Variants in LMBR1L observed in about 807,000 individuals in gnomAD.
LMBR1L encodes protein LMBR1L.
Under a neutral mutation model 67.3 loss-of-function variants are expected in LMBR1L, and 47 were observed. The observed-to-expected ratio is 0.70, with a 90% CI of 0.55 to 0.89. The LOEUF is 0.89. LMBR1L is among the 40% of genes least tolerant of loss of function. LMBR1L has a pLI of 0.00. For synonymous variants in LMBR1L, 247 were observed against 250.3 expected (o/e 0.99, Z 0.13); for missense variants, 533 against 599.2 (o/e 0.89, Z 1.15).
chr12:49,103,883 A>G, intron 5 of LMBR1L, 70 bp from the exon 6 acceptor site: 1 of 1,495,188 alleles, frequency 6.7e-7, no homozygotes, highest in Non-Finnish European at 9.0e-7. Flanking sequence ...GATGGCAGGC[A>G]GCCTGCAGGA....
Position 49,097,586 on chromosome 12 carries a change from G to A in LMBR1L, c.*86C>T, listed in dbSNP as rs1939543574. 4.4e-6 allele frequency: 6 copies of A among 1,353,574 alleles called. No individual in the cohort carries two copies. 83.8% of individuals were successfully genotyped at this position (1,353,574 alleles called of 1,614,324 possible). On this transcript the variant is annotated 3_prime_UTR_variant, in exon 17 of 17. Transcript: ENST00000267102. ...CCCACCCTCTCAGATTCCAGGTCCT[G>A]AGGTCCAAGTAGCCTTGGGCTTCCC...
chr12:49,097,282 G>C lies in LMBR1L; in HGVS notation c.*390C>G, dbSNP rs1939512509. 1 of 214,226 alleles carries C rather than the reference G, an allele frequency of 4.7e-6. No homozygotes were observed. The highest frequency in any genetic ancestry group is 9.8e-6 in the Non-Finnish European group (1 of 102,564). 13.3% of individuals were successfully genotyped at this position (214,226 alleles called of 1,614,324 possible). A position where few individuals can be genotyped will look rare whatever the true frequency, so the allele number is the denominator to read the frequency against. On this transcript the variant is annotated 3_prime_UTR_variant, in exon 17 of 17. Coordinates refer to ENST00000267102, the MANE Select transcript of LMBR1L (RefSeq NM_018113.4). ...AGGCTCTGCTGGGCCAGAGGCAAGG[G>C]AGACAATCTATCTCCCGAGCCTGCC...
intron 8 of LMBR1L, 74 bp downstream of exon 8, chr12:49,102,813 G>C: frequency 7.2e-7 from 1 of 1,380,496 alleles, no homozygotes; most frequent in Non-Finnish European, 1.0e-6. Context: ...CAACCATAGG[G>C]TTGTTTCATT....
At position 49,097,696 on chromosome 12, in the gene LMBR1L, T is replaced by C. The variant is rs762199890; in HGVS notation, c.1446A>G (p.Ala482=). 1 of 1,613,852 alleles carries C rather than the reference T, an allele frequency of 6.2e-7. No individual in the cohort carries two copies. The highest frequency in any genetic ancestry group is 8.5e-7 in the Non-Finnish European group (1 of 1,180,002). Reference sequence around the variant, plus strand: ...GTCACTGGTGCTGGGTCTTCCTAGATGCCTGGGGGAAACCGGAGACGGGCA... The same window carrying C: ...GTCACTGGTGCTGGGTCTTCCTAGACGCCTGGGGGAAACCGGAGACGGGCA... ...LPLPVSGFPQ[A]SRKTQHQ Residue 482 remains alanine, a synonymous_variant, in exon 17 of 17, where the codon GCA becomes GCG. Coordinates refer to ENST00000267102, the MANE Select transcript of LMBR1L (RefSeq NM_018113.4).
intron 1 of LMBR1L, among the ~76,000 whole-genome samples, chr12:49,109,373 C>T (rs960860481): frequency 2.6e-5 from 4 of 152,038 alleles, no homozygotes; most frequent in Non-Finnish European, 5.9e-5. Context: ...GAAGGCTTGC[C>T]GAAAGCACAC....
chr12:49,102,095 T>G, intron 11 of LMBR1L, 25 bp downstream of exon 11: 2 of 1,609,840 alleles, frequency 1.2e-6, no homozygotes, highest in Non-Finnish European at 1.7e-6. Flanking sequence ...GGTCCACTCC[T>G]CACCTCTAGG....
intron 11 of LMBR1L, 130 bp downstream of exon 11, chr12:49,101,990 A>G: frequency 2.7e-6 from 2 of 746,218 alleles, no homozygotes; most frequent in Non-Finnish European, 4.5e-6. Flanking sequence ...GCAGGACATA[A>G]AAGTAGGCAC....
chr12:49,105,834 G>A, intron 3 of LMBR1L, 90 bp downstream of exon 3: 1 of 1,076,668 alleles, frequency 9.3e-7, no homozygotes, highest in Non-Finnish European at 1.4e-6. Flanking sequence ...CACTGTGTGA[G>A]ACTTCCCCCT....
intron 4 of LMBR1L, 38 bp from the exon 5 acceptor site, chr12:49,104,589 G>A: frequency 6.3e-7 from 1 of 1,580,566 alleles, no homozygotes. Context: ...GGTCAGTAAG[G>A]GGAGGGGCAA....
intron 1 of LMBR1L, 31 bp from the exon 2 acceptor site, chr12:49,107,076 C>T (rs900598663): frequency 6.7e-6 from 10 of 1,489,778 alleles, no homozygotes; most frequent in Non-Finnish European, 9.4e-6. Context: ...GGATGAGAAG[C>T]TCTAACCTTC....
At chr12:49,104,582 C>T in intron 4 of LMBR1L, 31 bp from the exon 5 acceptor site, 2 of 1,592,560 alleles carry the variant, frequency 1.3e-6, no homozygotes, top group Non-Finnish European at 1.7e-6. Flanking sequence ...CAGAAGTGGT[C>T]AGTAAGGGGA....
At chr12:49,102,051 CT>C in intron 11 of LMBR1L, 68 bp downstream of exon 11, 2 of 1,375,478 alleles carry the variant, frequency 1.5e-6, no homozygotes, top group East Asian at 4.6e-5. Context: ...CCTGCATTGC[CT>C]CCCCTCTCCC....
At chr12:49,110,008 C>CAAGT (rs2121096066) in intron 1 of LMBR1L, 1 of 458,376 alleles carries the variant, frequency 2.2e-6, no homozygotes, top group African/African-American at 2.0e-5. Context: ...GATGACCCAC[C>CAAGT]AAGTCCCCAG....
Position 49,100,463 on chromosome 12 carries a change from A to T in LMBR1L, c.1174-9T>A. The T allele has an allele frequency of 6.2e-7, 1 of 1,613,492 alleles. No homozygotes were observed. The highest frequency in any genetic ancestry group is 8.5e-7 in the Non-Finnish European group (1 of 1,179,376). On this transcript the variant is annotated splice_polypyrimidine_tract_variant and intron_variant, in intron 14 of 16. Coordinates refer to ENST00000267102, the MANE Select transcript of LMBR1L (RefSeq NM_018113.4). The stretch of plus-strand genomic sequence containing the variant: ...ACACAGTTCCCAATTATCTGGGTGG[A>T]AGCAGGGAAAGGAGAGGTGAGGGTG...
At chr12:49,103,507 G>C (rs575642415) in intron 6 of LMBR1L, among the ~76,000 whole-genome samples, 180 bp downstream of exon 6, 2 of 152,298 alleles carry the variant, frequency 1.3e-5, no homozygotes, top group East Asian at 3.9e-4. Context: ...TAAAACCATT[G>C]CATGGGCCCA....
intron 3 of LMBR1L, among the ~76,000 whole-genome samples, chr12:49,105,512 G>A (rs2121017020): frequency 6.6e-6 from 1 of 152,248 alleles, no homozygotes; most frequent in East Asian, 1.9e-4. Context: ...AGTGAACACT[G>A]GCAGCCTGGA....
intron 9 of LMBR1L, 28 bp downstream of exon 9, chr12:49,102,440 A>AC: frequency 6.2e-7 from 1 of 1,613,832 alleles, no homozygotes; most frequent in Non-Finnish European, 8.5e-7. Context: ...CAAGCCTACC[A>AC]CCCCAGCAGG....
In LMBR1L at chr12:49,101,319, G is replaced by A. The variant is rs1160507787; in HGVS notation, c.1013C>T (p.Thr338Ile). The change falls in exon 13 of 17, where the codon ACC becomes ATC. Residue 338 changes from threonine to isoleucine, a missense_variant. Transcript: ENST00000267102. ...GGAGAAGGAGACCTGGCCTAAGGAG[G>A]TACCCTGAGGAGTGGGGCAGTATCA... Reference protein sequence around the residue: ...EAAMPRGMQGTSLGQVSFSKL... With the variant: ...EAAMPRGMQGISLGQVSFSKL... 6.2e-7 allele frequency: 1 copy of A among 1,614,114 alleles called. No individual in the cohort carries two copies. The highest frequency in any genetic ancestry group is 8.5e-7 in the Non-Finnish European group (1 of 1,179,974).
chr12:49,109,646 C>T (rs1468938856), intron 1 of LMBR1L: 2 of 455,100 alleles, frequency 4.4e-6, no homozygotes, highest in Non-Finnish European at 8.8e-6. Flanking sequence ...TGGGGAAGGA[C>T]ACAGGAGAAA....
Sources: allele counts gnomAD v4.1 joint callset (sites outside exome capture counted in the v4.1 genomes callset), GRCh38; gene constraint gnomAD v4.1.1; transcripts MANE v1.5; gene names NCBI Gene and HGNC (gene_info 2026-07-23, HGNC 2026-07-21).